DNAJC8: variants seen among roughly 807,000 people sequenced by gnomAD.
The protein encoded by DNAJC8 is DnaJ heat shock protein family (Hsp40) member C8.
In DNAJC8, 24 loss-of-function variants were observed where a neutral mutation model predicts 43.2. That is an observed-to-expected ratio of 0.56 (90% CI 0.40 to 0.78). The LOEUF (loss-of-function observed/expected upper bound fraction) is 0.78, where lower values mean the gene tolerates loss of function less well. Among genes scored for constraint, DNAJC8 ranks in the 30% least tolerant of loss-of-function variants. DNAJC8 has a pLI of 0.00. For missense variants in DNAJC8, 207 were observed against 299.4 expected (o/e 0.69, Z 2.28); for synonymous variants, 83 against 98.0 (o/e 0.85, Z 0.90).
intron 2 of DNAJC8, among the ~76,000 whole-genome samples, chr1:28,219,434 G>A (rs1347887948): frequency 1.3e-5 from 2 of 152,128 alleles, no homozygotes; most frequent in South Asian, 2.1e-4. Flanking sequence ...GCATGAACCC[G>A]GGAGGCGGTG....
At chr1:28,227,584 T>C (rs958092821) in intron 2 of DNAJC8, among the ~76,000 whole-genome samples, 1 of 151,824 alleles carries the variant, frequency 6.6e-6, no homozygotes, top group South Asian at 2.1e-4. Context: ...AGTGAGACCC[T>C]GTCTCAAAAA....
At position 28,201,947 on chromosome 1, in the gene DNAJC8, G is replaced by GGCATGGTGGC. The variant is rs1477298430; in HGVS notation, c.640-587_640-578dup. On this transcript the variant is annotated intron_variant, in intron 8 of 8. Transcript: ENST00000263697. Reference sequence around the variant, plus strand: ...TACTAAAAATATAAAAAGTTAGCCGGGCATGGTGGCGCATGCCTGTTAATC... The same window carrying GGCATGGTGGC: ...TACTAAAAATATAAAAAGTTAGCCGGGCATGGTGGCGCATGGTGGCGCATGCCTGTTAATC... Among the ~76,000 whole-genome samples the GGCATGGTGGC allele has an allele frequency of 4.0e-5, 6 of 151,532 alleles. 1 individual carries two copies. The highest frequency in any genetic ancestry group is 2.1e-4 in the South Asian group (1 of 4,796).
rs1192597688 is a variant in DNAJC8, at chr1:28,200,632, T to A, written c.*616A>T. On this transcript the variant is annotated 3_prime_UTR_variant, in exon 9 of 9. Coordinates refer to ENST00000263697, the MANE Select transcript of DNAJC8 (RefSeq NM_014280.3). ...AGACAGGCTAGGACATGGTACTGGG[T>A]GGAGGACGGCTAGCTCTTTGGAAAG... is the stretch of plus-strand genomic sequence containing the variant. 1 of 455,788 alleles carries A rather than the reference T, an allele frequency of 2.2e-6. No individual in the cohort carries two copies. Among genetic ancestry groups the A allele is most frequent in the Non-Finnish European group, 4.4e-6 (1 of 226,808 alleles). The allele number at this position is 455,788 out of a possible 1,614,324, so 28.2% of individuals were successfully genotyped here.
intron 1 of DNAJC8, chr1:28,230,303 C>A (rs1357325230): frequency 2.0e-5 from 3 of 152,156 alleles, no homozygotes; most frequent in Non-Finnish European, 2.9e-5. Flanking sequence ...AAAAGTCATT[C>A]CTTCTAGACA....
intron 2 of DNAJC8, among the ~76,000 whole-genome samples, chr1:28,226,788 A>C (rs1646938068): frequency 6.6e-6 from 1 of 151,220 alleles, no homozygotes; most frequent in African/African-American, 2.4e-5. Flanking sequence ...TCATGACTAG[A>C]GTAAGTTTCC....
chr1:28,226,728 AAC>A (rs1646937679), intron 2 of DNAJC8, among the ~76,000 whole-genome samples: 1 of 151,150 alleles, frequency 6.6e-6, no homozygotes, highest in South Asian at 2.1e-4. Flanking sequence ...TGTGGTTTGG[AAC>A]TGCTGGGGCC....
At position 28,212,166 on chromosome 1, in the gene DNAJC8, T is replaced by TAAATAAAAAA. The variant is rs1443725936; in HGVS notation, c.238-1530_238-1529insTTTTTTATTT. ...GCCGGACTCCGTCTCAATAAATAAA[T>TAAATAAAAAA]AAATATATATATATATATATATATA... On this transcript the variant is annotated intron_variant, in intron 3 of 8. Transcript: ENST00000263697. Among the ~76,000 whole-genome samples the TAAATAAAAAA allele has an allele frequency of 2.1e-4, 5 of 23,852 alleles. 1 individual carries two copies. Among genetic ancestry groups the TAAATAAAAAA allele is most frequent in the Non-Finnish European group, 4.0e-4 (4 of 9,932 alleles). The allele number at this position is 23,852 out of a possible 152,430, so 15.6% of individuals were successfully genotyped here. A position where few individuals can be genotyped will look rare whatever the true frequency, so the allele number is the denominator to read the frequency against.
intron 3 of DNAJC8, among the ~76,000 whole-genome samples, chr1:28,213,134 CA>C (rs1376082967): frequency 1.4e-4 from 22 of 152,234 alleles, no homozygotes; most frequent in African/African-American, 5.3e-4. Flanking sequence ...GTAACTTGCT[CA>C]AGTTTACACT....
At chr1:28,232,354 T>C (rs1009902991) in intron 1 of DNAJC8, among the ~76,000 whole-genome samples, 7 of 152,168 alleles carry the variant, frequency 4.6e-5, no homozygotes, top group Admixed American at 3.3e-4. Context: ...GGAGATGCGA[T>C]AGTAAAGGAG....
At chr1:28,202,878 G>A (rs570517239) in intron 8 of DNAJC8, among the ~76,000 whole-genome samples, 6 of 152,256 alleles carry the variant, frequency 3.9e-5, no homozygotes, top group African/African-American at 7.2e-5. Context: ...CACCACGCCC[G>A]GCCAGCATAT....
In DNAJC8 at chr1:28,228,997, C is replaced by T. The variant is rs1280332892; in HGVS notation, c.105G>A (p.Ser35=). The T allele has an allele frequency of 8.7e-6, 14 of 1,613,728 alleles. No homozygotes were observed. Among genetic ancestry groups the T allele is most frequent in the African/African-American group, 1.3e-5 (1 of 74,882 alleles). ...CAATCTGATTTTTCGAAGTTAGAAC[C>T]GAGTCTCTCTTCTCTATTTGTTTCA... ...SEVKQIEKRD[S]VLTSKNQIER... The change falls in exon 2 of 9, where the codon TCG becomes TCA. Residue 35 remains serine (S), a synonymous_variant. Coordinates refer to ENST00000263697, the MANE Select transcript of DNAJC8 (RefSeq NM_014280.3).
In DNAJC8 at chr1:28,200,336, A is replaced by G. The variant is rs1183661807; in HGVS notation, c.*912T>C. On this transcript the variant is annotated 3_prime_UTR_variant, in exon 9 of 9. Transcript: ENST00000263697. ...ATCAGTATCTTCATTTTACACAGAA[A>G]TAATAGGATATTGGCAATACCCAAG... is the stretch of plus-strand genomic sequence containing the variant. The G allele has an allele frequency of 2.7e-6, 1 of 368,790 alleles. No homozygotes were observed. The highest frequency in any genetic ancestry group is 2.1e-5 in the African/African-American group (1 of 46,874). The allele number at this position is 368,790 out of a possible 1,614,324, so 22.8% of individuals were successfully genotyped here.
chr1:28,230,995 G>A (rs1484340746), intron 1 of DNAJC8, among the ~76,000 whole-genome samples: 1 of 152,190 alleles, frequency 6.6e-6, no homozygotes, highest in Non-Finnish European at 1.5e-5. Context: ...GTTTAACCCT[G>A]AGAAAGATGC....
chr1:28,201,500 T>A (rs969793180), intron 8 of DNAJC8, 130 bp from the exon 9 acceptor site: 1 of 1,413,258 alleles, frequency 7.1e-7, no homozygotes, highest in Admixed American at 2.1e-5. Context: ...AAGAGTAGAA[T>A]AGAGCTGGCC....
At chr1:28,204,429 A>C (rs1006691010) in intron 7 of DNAJC8, among the ~76,000 whole-genome samples, 1 of 152,040 alleles carries the variant, frequency 6.6e-6, no homozygotes, top group African/African-American at 2.4e-5. Flanking sequence ...AAAAATGCAA[A>C]AATTAGCCAG....
At chr1:28,207,180 T>G (rs1646774801) in intron 6 of DNAJC8, among the ~76,000 whole-genome samples, 1 of 151,612 alleles carries the variant, frequency 6.6e-6, no homozygotes, top group African/African-American at 2.4e-5. Flanking sequence ...GAGTTTGAGA[T>G]CAGCCTGACC....
chr1:28,225,011 A>T (rs144428484), intron 2 of DNAJC8, among the ~76,000 whole-genome samples: 1 of 151,002 alleles, frequency 6.6e-6, no homozygotes, highest in African/African-American at 2.4e-5. Flanking sequence ...AGTGAGCTAT[A>T]CAGTGAGCGG....
Position 28,200,357 on chromosome 1 carries a change from C to T in DNAJC8, c.*891G>A. 2.6e-6 allele frequency: 1 copy of T among 387,128 alleles called. No individual in the cohort carries two copies. Among genetic ancestry groups the T allele is most frequent in the Non-Finnish European group, 5.1e-6 (1 of 196,370 alleles). 24.0% of individuals were successfully genotyped at this position (387,128 alleles called of 1,614,324 possible). A position where few individuals can be genotyped will look rare whatever the true frequency, so the allele number is the denominator to read the frequency against. On this transcript the variant is annotated 3_prime_UTR_variant, in exon 9 of 9. Transcript: ENST00000263697. Reference sequence around the variant, plus strand: ...AGAAATAATAGGATATTGGCAATACCCAAGGAGCACTATGGTAGTTACCTT... The same window carrying T: ...AGAAATAATAGGATATTGGCAATACTCAAGGAGCACTATGGTAGTTACCTT...
chr1:28,203,720 G>A (rs372013340), intron 8 of DNAJC8, 27 bp downstream of exon 8: 11 of 1,612,582 alleles, frequency 6.8e-6, no homozygotes, highest in Non-Finnish European at 9.3e-6. Context: ...TCTGGAATTA[G>A]AATCCCTGGC....
Sources: gnomAD v4.1 joint callset for allele counts (sites outside exome capture counted in the v4.1 genomes callset) on GRCh38, gnomAD v4.1.1 for gene constraint, MANE v1.5 for transcripts, NCBI Gene and HGNC (gene_info 2026-07-23, HGNC 2026-07-21) for gene names.